MGRN1: variants seen among roughly 807,000 people sequenced by gnomAD.
The protein encoded by MGRN1 is mahogunin ring finger 1.
In MGRN1, 29 loss-of-function variants were observed where a neutral mutation model predicts 69.2. That is an observed-to-expected ratio of 0.42 (90% CI 0.31 to 0.57). MGRN1 has a LOEUF of 0.57. Among genes scored for constraint, MGRN1 ranks in the 20% least tolerant of loss-of-function variants. The pLI is 0.15. For missense variants in MGRN1, 998 were observed against 796.2 expected, an observed-to-expected ratio of 1.25 and a Z score of -3.05; for synonymous variants, 470 against 344.2, an observed-to-expected ratio of 1.37 and a Z score of -4.04.
intron 9 of MGRN1, 128 bp from the exon 10 acceptor site, chr16:4,673,370 C>A: frequency 7.8e-7 from 1 of 1,283,932 alleles, no homozygotes. Context: ...CCCCTCCCCT[C>A]TGGACTTCTC....
intron 1 of MGRN1, among the ~76,000 whole-genome samples, chr16:4,646,850 G>A (rs1230210376): frequency 6.6e-6 from 1 of 152,216 alleles, no homozygotes; most frequent in Non-Finnish European, 1.5e-5. Context: ...GGAGGTTGGA[G>A]CAGGAGGCTT....
intron 1 of MGRN1, chr16:4,639,671 G>C (rs1266727150): frequency 6.6e-6 from 1 of 152,278 alleles, no homozygotes; most frequent in African/African-American, 2.4e-5. Flanking sequence ...CGTATTGGGG[G>C]TGTGGAGGAA....
At chr16:4,652,944 C>A in intron 4 of MGRN1, 120 bp downstream of exon 4, 1 of 1,281,064 alleles carries the variant, frequency 7.8e-7, no homozygotes, top group Middle Eastern at 2.8e-4. Flanking sequence ...ACCATACTCC[C>A]AGGACTTTAC....
At chr16:4,662,047 C>T (rs1050820208) in intron 5 of MGRN1, among the ~76,000 whole-genome samples, 5 of 152,158 alleles carry the variant, frequency 3.3e-5, no homozygotes, top group African/African-American at 1.2e-4. Flanking sequence ...GTCCACATAG[C>T]CTCCCTGGTT....
chr16:4,638,637 C>G (rs1163562561), intron 1 of MGRN1, among the ~76,000 whole-genome samples: 1 of 152,202 alleles, frequency 6.6e-6, no homozygotes, highest in Non-Finnish European at 1.5e-5. Context: ...CCTCTGGCCT[C>G]CCACCTGGTG....
At chr16:4,629,037 A>G (rs1422016393) in intron 1 of MGRN1, among the ~76,000 whole-genome samples, 1 of 151,808 alleles carries the variant, frequency 6.6e-6, no homozygotes, top group Non-Finnish European at 1.5e-5. Context: ...GGGTTTCACT[A>G]TGTTGGGAAG....
chr16:4,684,111 A>G (rs1435029682), intron 16 of MGRN1, among the ~76,000 whole-genome samples, 179 bp downstream of exon 16: 1 of 152,260 alleles, frequency 6.6e-6, no homozygotes, highest in Admixed American at 6.5e-5. Context: ...GGCCAGGGCC[A>G]TGGCCACAAA....
chr16:4,687,588 C>T (rs1403048372), intron 16 of MGRN1: 12 of 979,448 alleles, frequency 1.2e-5, no homozygotes, highest in African/African-American at 1.8e-5. Flanking sequence ...TACACACACA[C>T]ACACACACAC....
In MGRN1 at chr16:4,625,040, C is replaced by A; in HGVS notation, c.80C>A (p.Pro27Gln). The change falls in exon 1 of 17, where the codon CCG becomes CAG. Residue 27 changes from proline to glutamine, a missense_variant. Pro to Gln is a moderately conservative substitution (Grantham distance 76, BLOSUM62 -1). Coordinates refer to ENST00000262370, the MANE Select transcript of MGRN1 (RefSeq NM_015246.4). ...GCGAACTCGGCCTATCGCTACCCTC[C>A]GAAGTCCGGTGAGCGCCCGGCCCCA... ...IQANSAYRYPPKSGNYFASHF... is the reference protein window; with the variant it reads ...IQANSAYRYPQKSGNYFASHF... 3 of 1,548,332 alleles carry A rather than the reference C, an allele frequency of 1.9e-6. No individual in the cohort carries two copies. Among genetic ancestry groups the A allele is most frequent in the Non-Finnish European group, 1.7e-6 (2 of 1,150,354 alleles).
At chr16:4,684,085 C>G (rs749926456) in intron 16 of MGRN1, among the ~76,000 whole-genome samples, 153 bp downstream of exon 16, 1 of 152,246 alleles carries the variant, frequency 6.6e-6, no homozygotes. Flanking sequence ...TGCTATTGAC[C>G]GTGAAGCAGG....
At chr16:4,650,988 A>C (rs1238109082) in intron 2 of MGRN1, 1 of 152,354 alleles carries the variant, frequency 6.6e-6, no homozygotes, top group Admixed American at 6.5e-5. Flanking sequence ...ACGTGCCTGT[A>C]ATCCCAACTA....
At chr16:4,641,190 CAT>C (rs1438574398) in intron 1 of MGRN1, among the ~76,000 whole-genome samples, 1 of 152,248 alleles carries the variant, frequency 6.6e-6, no homozygotes, top group African/African-American at 2.4e-5. Context: ...GCACACACCA[CAT>C]GTGTGTCATT....
At chr16:4,667,402 TTC>T (rs1294272738) in intron 7 of MGRN1, among the ~76,000 whole-genome samples, 1 of 152,186 alleles carries the variant, frequency 6.6e-6, no homozygotes, top group Non-Finnish European at 1.5e-5. Flanking sequence ...GAGGGCAGCC[TTC>T]TGCCTTTTTA....
rs116153580 is a variant in MGRN1, at chr16:4,652,066, C to A, written c.296+15C>A. On this transcript the variant is annotated intron_variant, in intron 3 of 16. Transcript: ENST00000262370. ...CGGCTGGTGAGGTAACTTCACCCTG[C>A]CCCTGGGGACCCTGTGGCTCTGTGG... is the stretch of plus-strand genomic sequence containing the variant. 2.1e-3 allele frequency: 3,424 copies of A among 1,611,758 alleles called. 77 individuals are homozygous for A. The African/African-American group carries it at 0.038, about 18-fold the overall frequency.
At chr16:4,628,758 TG>T (rs1480258221) in intron 1 of MGRN1, among the ~76,000 whole-genome samples, 4 of 152,214 alleles carry the variant, frequency 2.6e-5, no homozygotes, top group African/African-American at 9.6e-5. Flanking sequence ...TTGGCCAGTC[TG>T]GTCTCGAGCT....
Position 4,682,852 on chromosome 16 carries a change from A to G in MGRN1, c.1388A>G (p.His463Arg), listed in dbSNP as rs1307747233. 6.2e-7 allele frequency: 1 copy of G among 1,603,308 alleles called. No homozygotes were observed. The highest frequency in any genetic ancestry group is 2.3e-5 in the East Asian group (1 of 44,432). Residue 463 changes from histidine to arginine, a missense_variant, in exon 14 of 17, where the codon CAC (histidine) becomes CGC (arginine). By Grantham distance (29) the His-to-Arg change is conservative (BLOSUM62 0). Coordinates refer to ENST00000262370, the MANE Select transcript of MGRN1 (RefSeq NM_015246.4). Reference sequence around the variant, plus strand: ...CTACGGTCCCCGTCTTCCCCCATCCACGAAGAGGATGAGGAGAAGCTCTCC... The same window carrying G: ...CTACGGTCCCCGTCTTCCCCCATCCGCGAAGAGGATGAGGAGAAGCTCTCC... ...STLRSPSSPIHEEDEEKLSED... is the reference protein window; with the variant it reads ...STLRSPSSPIREEDEEKLSED...
At chr16:4,666,984 AGTGCCTTG>A (rs1455213283) in intron 7 of MGRN1, among the ~76,000 whole-genome samples, 4 of 152,164 alleles carry the variant, frequency 2.6e-5, no homozygotes, top group African/African-American at 9.7e-5. Flanking sequence ...CTTGTTTGAT[AGTGCCTTG>A]GTGCCTCGGT....
chr16:4,666,531 G>T (rs2078809810), intron 7 of MGRN1, among the ~76,000 whole-genome samples: 1 of 152,202 alleles, frequency 6.6e-6, no homozygotes, highest in Non-Finnish European at 1.5e-5. Flanking sequence ...CATGCCACGG[G>T]CTGGGGCTCC....
chr16:4,679,002 A>T (rs1269765019), intron 11 of MGRN1, among the ~76,000 whole-genome samples: 1 of 152,244 alleles, frequency 6.6e-6, no homozygotes, highest in Non-Finnish European at 1.5e-5. Flanking sequence ...TTAAAATCTG[A>T]CATGGTCTTG....
Sources: gnomAD v4.1 joint callset for allele counts (sites outside exome capture counted in the v4.1 genomes callset) on GRCh38, gnomAD v4.1.1 for gene constraint, MANE v1.5 for transcripts, NCBI Gene and HGNC (gene_info 2026-07-23, HGNC 2026-07-21) for gene names.